The following CHCHD3 variants were observed in gnomAD, a reference collection of about 807,000 sequenced individuals.
CHCHD3 encodes MICOS complex subunit MIC19.
CHCHD3 carries 20 observed loss-of-function variants against 38.2 expected under a neutral mutation model. That is an observed-to-expected ratio of 0.52 (90% confidence interval 0.37 to 0.76). CHCHD3 has a LOEUF of 0.76. Ranked by LOEUF, CHCHD3 falls within the 30% of genes least tolerant of loss-of-function variation. The probability of loss-of-function intolerance (pLI) is 0.00; values close to 1 mark genes in which losing one functional copy is unlikely to be tolerated. For synonymous variants in CHCHD3, 82 were observed against 100.0 expected (o/e 0.82, Z 1.07); for missense variants, 245 against 279.2 (o/e 0.88, Z 0.87).
rs746886506 is a variant in CHCHD3 at position 132,785,645 on chromosome 7, C to T, written c.676G>A (p.Gly226Arg). The part of the protein sequence containing the change: ...NHAKQSMLEK[G>R]G Reference sequence around the variant, plus strand: ...GCTCATTCTGAAAGTTTTTATCCTCCCTTCTCAAGCATGCTCTGCAAGAAA... The same window carrying T: ...GCTCATTCTGAAAGTTTTTATCCTCTCTTCTCAAGCATGCTCTGCAAGAAA... Residue 226 changes from glycine to arginine, a missense_variant, in exon 8 of 8, where the codon GGA becomes AGA. By Grantham distance (125) the Gly-to-Arg change is moderately radical. Coordinates refer to ENST00000262570, the MANE Select transcript of CHCHD3 (RefSeq NM_017812.4). The T allele has an allele frequency of 6.2e-7, 1 of 1,613,848 alleles. No homozygotes were observed. Among genetic ancestry groups the T allele is most frequent in the Non-Finnish European group, 8.5e-7 (1 of 1,179,972 alleles).
intron 1 of CHCHD3, among the ~76,000 whole-genome samples, chr7:133,074,938 T>TC (rs1387008479): frequency 1.3e-5 from 2 of 152,036 alleles, no homozygotes; most frequent in East Asian, 3.9e-4. Context: ...AGGGACTTTT[T>TC]AATTCATTTT....
At chr7:132,950,303 C>T (rs1811006927) in intron 4 of CHCHD3, among the ~76,000 whole-genome samples, 1 of 152,016 alleles carries the variant, frequency 6.6e-6, no homozygotes, top group African/African-American at 2.4e-5. Context: ...CAGTGTACCC[C>T]CCAGTCCAAA....
intron 4 of CHCHD3, among the ~76,000 whole-genome samples, chr7:132,953,696 T>C (rs1033733026): frequency 6.6e-6 from 1 of 152,166 alleles, no homozygotes; most frequent in Admixed American, 6.5e-5. Context: ...AATCCCAGTA[T>C]GGAAATGCAA....
At chr7:132,972,811 T>C in intron 4 of CHCHD3, 4 of 985,388 alleles carry the variant, frequency 4.1e-6, no homozygotes, top group Non-Finnish European at 4.8e-6. Context: ...AGTACTACAA[T>C]TTGTCATCTA....
intron 4 of CHCHD3, among the ~76,000 whole-genome samples, chr7:132,913,976 G>C (rs1351419450): frequency 1.4e-5 from 2 of 144,838 alleles, no homozygotes; most frequent in Admixed American, 1.4e-4. Flanking sequence ...TTTTGAGATG[G>C]AGTCTTGCTC....
chr7:132,989,087 A>T (rs1812202272), intron 3 of CHCHD3, among the ~76,000 whole-genome samples: 1 of 152,120 alleles, frequency 6.6e-6, no homozygotes, highest in African/African-American at 2.4e-5. Context: ...CAAGTACTAT[A>T]CTATTTTATA....
chr7:132,791,363 A>T (rs1806456233), intron 7 of CHCHD3, among the ~76,000 whole-genome samples: 1 of 152,172 alleles, frequency 6.6e-6, no homozygotes, highest in Admixed American at 6.5e-5. Context: ...CCTTCTACAG[A>T]TCATTTAAAT....
intron 3 of CHCHD3, among the ~76,000 whole-genome samples, chr7:132,991,755 T>C (rs1349504374): frequency 6.6e-6 from 1 of 152,208 alleles, no homozygotes; most frequent in Non-Finnish European, 1.5e-5. Flanking sequence ...AGTTTTTTTT[T>C]TCCTCAAGGA....
chr7:133,031,605 G>C (rs1813507464), intron 2 of CHCHD3, among the ~76,000 whole-genome samples: 3 of 151,994 alleles, frequency 2.0e-5, no homozygotes. Flanking sequence ...GCTTCTTAGA[G>C]AAATATCAGT....
At chr7:132,905,406 C>T (rs1809774519) in intron 4 of CHCHD3, among the ~76,000 whole-genome samples, 1 of 151,826 alleles carries the variant, frequency 6.6e-6, no homozygotes, top group Admixed American at 6.6e-5. Flanking sequence ...AATGAGAACA[C>T]ATGGACACAT....
intron 6 of CHCHD3, among the ~76,000 whole-genome samples, chr7:132,820,321 G>T (rs960805956): frequency 1.3e-5 from 2 of 152,190 alleles, no homozygotes; most frequent in South Asian, 4.1e-4. Context: ...AGCAAAGGTT[G>T]TAAGTAAGCT....
rs140768662 is a variant in CHCHD3 at position 132,978,225 on chromosome 7, T to C, written c.252-2939A>G. The stretch of plus-strand genomic sequence containing the variant: ...TAGGAATACAGAGAAAGCAGTGATT[T>C]TACGAAATGAAGAAGACAATCTCCA... On this transcript the variant is annotated intron_variant, in intron 3 of 7. Coordinates refer to ENST00000262570, the MANE Select transcript of CHCHD3 (RefSeq NM_017812.4). 8.5e-4 allele frequency among the ~76,000 whole-genome samples: 129 copies of C among 152,250 alleles called. 1 individual carries two copies. In the East Asian group the frequency reaches 0.017, roughly 20 times the overall value.
At chr7:132,996,984 C>T (rs1442609882) in intron 3 of CHCHD3, among the ~76,000 whole-genome samples, 2 of 152,204 alleles carry the variant, frequency 1.3e-5, no homozygotes, top group Non-Finnish European at 2.9e-5. Flanking sequence ...TATATTTCCA[C>T]GATGTTAACA....
chr7:132,940,653 A>C (rs1447667716), intron 4 of CHCHD3, among the ~76,000 whole-genome samples: 1 of 152,068 alleles, frequency 6.6e-6, no homozygotes, highest in Non-Finnish European at 1.5e-5. Flanking sequence ...TTCAGCAGTC[A>C]TTTTTTCCAC....
At chr7:132,986,213 G>C (rs61287780) in intron 3 of CHCHD3, among the ~76,000 whole-genome samples, 2 of 147,658 alleles carry the variant, frequency 1.4e-5, no homozygotes, top group Admixed American at 6.8e-5. Context: ...CAGCATGCTC[G>C]TTAAGAGTCA....
intron 4 of CHCHD3, among the ~76,000 whole-genome samples, chr7:132,899,753 T>A (rs1003908185): frequency 6.6e-6 from 1 of 152,250 alleles, no homozygotes; most frequent in African/African-American, 2.4e-5. Flanking sequence ...TCATGGTCTA[T>A]AGCAGATCAC....
At chr7:133,036,333 C>A (rs1813672693) in intron 2 of CHCHD3, among the ~76,000 whole-genome samples, 3 of 152,072 alleles carry the variant, frequency 2.0e-5, no homozygotes, top group Admixed American at 1.3e-4. Context: ...TCTAATAAAG[C>A]ATTATACATA....
At chr7:132,795,176 G>A (rs1316871364) in intron 7 of CHCHD3, among the ~76,000 whole-genome samples, 4 of 152,138 alleles carry the variant, frequency 2.6e-5, no homozygotes, top group African/African-American at 9.7e-5. Context: ...CTTTTCCACT[G>A]ACCACCAGCT....
intron 4 of CHCHD3, among the ~76,000 whole-genome samples, chr7:132,953,924 G>T (rs1388123945): frequency 1.3e-5 from 2 of 152,154 alleles, no homozygotes; most frequent in Non-Finnish European, 2.9e-5. Flanking sequence ...TAAATTATCG[G>T]GTTGCCCTAG....
Sources: gnomAD v4.1 joint callset for allele counts (sites outside exome capture counted in the v4.1 genomes callset) on GRCh38, gnomAD v4.1.1 for gene constraint, MANE v1.5 for transcripts, NCBI Gene and HGNC (gene_info 2026-07-23, HGNC 2026-07-21) for gene names.